SNTG1: variants seen among roughly 807,000 people sequenced by gnomAD.
SNTG1 encodes gamma-1-syntrophin.
A neutral mutation model predicts 74.7 loss-of-function variants in SNTG1; 39 were observed. That is an observed-to-expected ratio of 0.52 (90% CI 0.40 to 0.68). SNTG1 has a LOEUF of 0.68. Among genes scored for constraint, SNTG1 ranks in the 30% least tolerant of loss-of-function variants. SNTG1 has a pLI of 0.00. For synonymous variants in SNTG1, 254 were observed against 217.1 expected (o/e 1.17, Z -1.49); for missense variants, 685 against 609.5 (o/e 1.12, Z -1.30).
At position 50,390,977 on chromosome 8, in the gene SNTG1, T is replaced by C. The variant is rs141754944; in HGVS notation, c.-27-3235T>C. On this transcript the variant is annotated intron_variant, in intron 2 of 18. Transcript: ENST00000642720. ...AGCTTCAGGAGATTTTGGGCCAAGA[T>C]GATGGGGTTTTCTAAATATACAATC... Among the ~76,000 whole-genome samples, 1,427 of 146,852 alleles carry C rather than the reference T, an allele frequency of 9.7e-3. 27 individuals are homozygous for C. The highest frequency in any genetic ancestry group is 0.033 in the African/African-American group (1,349 of 41,240).
intron 1 of SNTG1, among the ~76,000 whole-genome samples, chr8:49,946,807 ATAAT>A (rs1226547737): frequency 6.6e-6 from 1 of 152,228 alleles, no homozygotes; most frequent in Non-Finnish European, 1.5e-5. Context: ...TCTCCATGAA[ATAAT>A]TAATAGGACA....
rs565060686 is a variant in SNTG1 at position 50,690,999 on chromosome 8, G to T, written c.1039-13601G>T. ...GTTGAATTGAACCTTTTACCATTAT[G>T]TAACGGCCTTCTTTGTCTCTTTTGA... On this transcript the variant is annotated intron_variant, in intron 15 of 18. Coordinates refer to ENST00000642720, the MANE Select transcript of SNTG1 (RefSeq NM_018967.5). Among the ~76,000 whole-genome samples the T allele has an allele frequency of 2.1e-4, 32 of 152,336 alleles. 1 individual carries two copies. Among genetic ancestry groups the T allele is most frequent in the African/African-American group, 7.0e-4 (29 of 41,580 alleles).
intron 9 of SNTG1, among the ~76,000 whole-genome samples, chr8:50,515,592 T>C (rs1201135644): frequency 2.0e-5 from 3 of 152,042 alleles, no homozygotes; most frequent in Non-Finnish European, 4.4e-5. Context: ...CTGAAGTTGA[T>C]CTGGGACACT....
chr8:50,492,198 G>A (rs1273536861), intron 8 of SNTG1, among the ~76,000 whole-genome samples: 1 of 152,172 alleles, frequency 6.6e-6, no homozygotes, highest in Non-Finnish European at 1.5e-5. Context: ...ATAAACATAT[G>A]TGTGCATGTG....
At chr8:50,527,022 T>C (rs1333547070) in intron 9 of SNTG1, among the ~76,000 whole-genome samples, 1 of 152,182 alleles carries the variant, frequency 6.6e-6, no homozygotes, top group African/African-American at 2.4e-5. Flanking sequence ...GCTCAAATAT[T>C]TCTTCCAGCC....
At chr8:50,164,250 G>C (rs1227471) in intron 1 of SNTG1, 1 of 152,084 alleles carries the variant, frequency 6.6e-6, no homozygotes, top group African/African-American at 2.4e-5. Flanking sequence ...CTGCTATTCA[G>C]ATGCTTTGCC....
intron 2 of SNTG1, among the ~76,000 whole-genome samples, chr8:50,317,297 A>G (rs1194354494): frequency 1.3e-5 from 2 of 152,200 alleles, no homozygotes; most frequent in Admixed American, 1.3e-4. Flanking sequence ...GTCCAGAACA[A>G]TACTGATTAT....
At chr8:50,507,933 T>A (rs1379285812) in intron 9 of SNTG1, among the ~76,000 whole-genome samples, 1 of 151,608 alleles carries the variant, frequency 6.6e-6, no homozygotes, top group Non-Finnish European at 1.5e-5. Context: ...TTTTTTTTAT[T>A]ATACTTTAAG....
Position 50,402,433 on chromosome 8 carries a change from T to A in SNTG1, c.162+89T>A. On this transcript the variant is annotated intron_variant, in intron 4 of 18. Transcript: ENST00000642720. ...TCACAGGGCATTTTAAATATGTTTT[T>A]CTTTCAGTGTCTAGTCAATGGTTCT... 2.8e-6 allele frequency: 4 copies of A among 1,414,450 alleles called. No homozygotes were observed. In the South Asian group the frequency reaches 4.2e-5, roughly 15 times the overall value. The allele number at this position is 1,414,450 out of a possible 1,614,324, so 87.6% of individuals were successfully genotyped here.
At chr8:50,655,362 G>A (rs539379116) in intron 13 of SNTG1, among the ~76,000 whole-genome samples, 21 of 151,910 alleles carry the variant, frequency 1.4e-4, no homozygotes, top group Non-Finnish European at 2.8e-4. Flanking sequence ...ACTATACCTG[G>A]CCATATAAGC....
intron 9 of SNTG1, among the ~76,000 whole-genome samples, chr8:50,518,628 A>T (rs7814295): frequency 0.14 from 21,221 of 152,162 alleles, 2,567 homozygotes; most frequent in African/African-American, 0.33. Flanking sequence ...AGATATCACC[A>T]CTGATCCCAC....
intron 2 of SNTG1, among the ~76,000 whole-genome samples, chr8:50,241,872 C>T (rs2086178908): frequency 1.3e-5 from 2 of 151,976 alleles, no homozygotes; most frequent in South Asian, 2.1e-4. Context: ...ATAGGGATCC[C>T]ACTGCCCAGC....
chr8:50,014,549 C>T (rs947560997), intron 1 of SNTG1, among the ~76,000 whole-genome samples: 5 of 152,132 alleles, frequency 3.3e-5, no homozygotes, highest in Non-Finnish European at 5.9e-5. Flanking sequence ...TAGAAGAAGC[C>T]ACCAGCTACT....
chr8:49,970,611 C>G (rs1811574304), intron 1 of SNTG1, among the ~76,000 whole-genome samples: 1 of 152,172 alleles, frequency 6.6e-6, no homozygotes, highest in Admixed American at 6.5e-5. Flanking sequence ...TATTTGTCCT[C>G]TATTCCATAA....
intron 15 of SNTG1, among the ~76,000 whole-genome samples, chr8:50,659,266 G>T (rs1007299733): frequency 6.6e-6 from 1 of 152,040 alleles, no homozygotes; most frequent in East Asian, 1.9e-4. Flanking sequence ...TTTCTATAGC[G>T]TTTTTTAAAG....
intron 17 of SNTG1, among the ~76,000 whole-genome samples, chr8:50,712,656 A>G (rs1331123182): frequency 6.6e-6 from 1 of 151,308 alleles, no homozygotes; most frequent in Non-Finnish European, 1.5e-5. Context: ...CCCTCCCCAT[A>G]TCCCCACCCC....
chr8:50,750,291 G>C (rs370526960), intron 17 of SNTG1, among the ~76,000 whole-genome samples: 1 of 152,044 alleles, frequency 6.6e-6, no homozygotes. Context: ...ACTTTGGTGA[G>C]TGAGGAGTTT....
At chr8:50,446,632 C>T (rs1374218858) in intron 5 of SNTG1, among the ~76,000 whole-genome samples, 1 of 152,050 alleles carries the variant, frequency 6.6e-6, no homozygotes, top group East Asian at 1.9e-4. Flanking sequence ...GAGTCAAGAT[C>T]ATGCCATTGC....
intron 2 of SNTG1, among the ~76,000 whole-genome samples, chr8:50,350,309 A>C (rs1219512920): frequency 6.6e-6 from 1 of 152,142 alleles, no homozygotes; most frequent in Non-Finnish European, 1.5e-5. Context: ...GTGTGGGCGC[A>C]CTGCAGGGGA....
Sources: gnomAD v4.1 joint callset for allele counts (sites outside exome capture counted in the v4.1 genomes callset) on GRCh38, gnomAD v4.1.1 for gene constraint, MANE v1.5 for transcripts, NCBI Gene and HGNC (gene_info 2026-07-23, HGNC 2026-07-21) for gene names.